The following NTRK2 variants were observed in gnomAD, a reference collection of about 807,000 sequenced individuals.
NTRK2 encodes neurotrophic receptor tyrosine kinase 2.
Under a neutral mutation model 94.5 loss-of-function variants are expected in NTRK2, and 13 were observed. That is an observed-to-expected ratio of 0.14 (90% CI 0.09 to 0.22). The LOEUF is 0.22. NTRK2 is among the 10% of genes least tolerant of loss of function. NTRK2 has a pLI of 1.00. For synonymous variants in NTRK2, 372 were observed against 407.4 expected (o/e 0.91, Z 1.05); for missense variants, 639 against 1,071.2 (o/e 0.60, Z 5.63).
intron 12 of NTRK2, among the ~76,000 whole-genome samples, chr9:84,818,661 T>C (rs1456078340): frequency 6.6e-6 from 1 of 152,234 alleles, no homozygotes; most frequent in Non-Finnish European, 1.5e-5. Flanking sequence ...AAGATGGATT[T>C]GCTGTTTTTT....
rs1211166 is a variant in NTRK2 at position 84,671,077 on chromosome 9, G to A, written c.212+117G>A. The A allele has an allele frequency of 0.79, 761,238 of 959,496 alleles. 303,208 individuals carry two copies. Among genetic ancestry groups the A allele is most frequent in the Admixed American group, 0.81 (40,984 of 50,448 alleles). The allele number at this position is 959,496 out of a possible 1,614,324, so 59.4% of individuals were successfully genotyped here. On this transcript the variant is annotated intron_variant, in intron 2 of 18. Coordinates refer to ENST00000277120, the MANE Select transcript of NTRK2 (RefSeq NM_006180.6). ...AGAGTGGGGAGAAGTCAAAGACAAG[G>A]GATGCAGGACAGGGTCATCTGTCAG...
At chr9:84,861,124 T>C in intron 13 of NTRK2, 37 bp downstream of exon 13, 1 of 1,481,584 alleles carries the variant, frequency 6.7e-7, no homozygotes, top group Non-Finnish European at 9.4e-7. Context: ...GGATAAGTAA[T>C]GAGTCTATGT....
At position 84,702,334 on chromosome 9, in the gene NTRK2, A is replaced by G. The variant is rs1588052619; in HGVS notation, c.288-14A>G. The G allele has an allele frequency of 6.2e-7, 1 of 1,613,998 alleles. No individual in the cohort carries two copies. The highest frequency in any genetic ancestry group is 8.5e-7 in the Non-Finnish European group (1 of 1,179,836). ...GGTTCGTTCTAATGTGCATGAAATT[A>G]TGTGTTTTCACAGGACAATTGTGGA... On this transcript the variant is annotated splice_polypyrimidine_tract_variant and intron_variant, in intron 3 of 18. Transcript: ENST00000277120.
At chr9:84,876,405 T>G in intron 14 of NTRK2, 1 of 1,054,570 alleles carries the variant, frequency 9.5e-7, no homozygotes, top group Non-Finnish European at 1.1e-6. Flanking sequence ...ATTTATGTTT[T>G]CATGCTCAAT....
rs908026202 is a variant in NTRK2 at position 85,013,415 on chromosome 9, G to C, written c.2173-6791G>C. 2.6e-5 allele frequency among the ~76,000 whole-genome samples: 4 copies of C among 152,060 alleles called. No individual in the cohort carries two copies. In the South Asian group the frequency reaches 8.3e-4, roughly 32 times the overall value. On this transcript the variant is annotated intron_variant, in intron 17 of 18. Transcript: ENST00000277120. ...CCTCCCGGGTTCAAACGGTTCTCCT[G>C]CCTCAGCCTCCTGAGTAGCTGGGAT...
intron 17 of NTRK2, among the ~76,000 whole-genome samples, chr9:84,980,442 T>C (rs148673025): frequency 6.6e-6 from 1 of 152,334 alleles, no homozygotes; most frequent in African/African-American, 2.4e-5. Flanking sequence ...AGCAATATTA[T>C]ATTGTCATCC....
At chr9:84,895,337 C>T (rs2076726791) in intron 14 of NTRK2, among the ~76,000 whole-genome samples, 1 of 152,178 alleles carries the variant, frequency 6.6e-6, no homozygotes, top group South Asian at 2.1e-4. Context: ...TTCACAGAAG[C>T]AGCCTTTCAT....
At chr9:84,716,552 A>G (rs927570356) in intron 6 of NTRK2, among the ~76,000 whole-genome samples, 3 of 151,966 alleles carry the variant, frequency 2.0e-5, no homozygotes, top group African/African-American at 4.9e-5. Context: ...TTAATGCTCT[A>G]TGTGGAAGTT....
intron 2 of NTRK2, among the ~76,000 whole-genome samples, chr9:84,681,083 G>A (rs1185980663): frequency 6.6e-6 from 1 of 152,082 alleles, no homozygotes; most frequent in Non-Finnish European, 1.5e-5. Flanking sequence ...GGCTATCTCT[G>A]GGCTACATCA....
At chr9:84,903,627 T>C (rs1253374475) in intron 14 of NTRK2, among the ~76,000 whole-genome samples, 5 of 152,200 alleles carry the variant, frequency 3.3e-5, no homozygotes, top group Non-Finnish European at 7.3e-5. Context: ...TCCTTCTTTC[T>C]TCTGATGTCC....
intron 14 of NTRK2, among the ~76,000 whole-genome samples, chr9:84,926,146 CTT>C (rs2077773800): frequency 1.2e-5 from 1 of 84,048 alleles, no homozygotes; most frequent in South Asian, 5.3e-4. Context: ...TCCTTCCTTC[CTT>C]CCTTCCTTCC....
At chr9:84,871,310 T>G (rs968848200) in intron 14 of NTRK2, among the ~76,000 whole-genome samples, 8 of 152,142 alleles carry the variant, frequency 5.3e-5, no homozygotes, top group African/African-American at 1.9e-4. Flanking sequence ...GATACTATAA[T>G]TTTTCCAGAG....
At chr9:84,686,928 ATAAT>A (rs148081721) in intron 2 of NTRK2, among the ~76,000 whole-genome samples, 8,263 of 152,304 alleles carry the variant, frequency 0.054, 361 homozygotes, top group African/African-American at 0.11. Flanking sequence ...CTTAAGATAA[ATAAT>A]ATAAATCATA....
chr9:84,678,550 C>G (rs78376271), intron 2 of NTRK2, among the ~76,000 whole-genome samples: 2 of 152,206 alleles, frequency 1.3e-5, no homozygotes, highest in Non-Finnish European at 2.9e-5. Flanking sequence ...CCTGAATTGT[C>G]TGACTCTTGC....
intron 17 of NTRK2, among the ~76,000 whole-genome samples, chr9:84,974,472 T>C (rs1415131291): frequency 1.3e-5 from 2 of 152,226 alleles, no homozygotes; most frequent in African/African-American, 4.8e-5. Context: ...AATTTAGAGC[T>C]GCAGAAGGTT....
At position 84,724,208 on chromosome 9, in the gene NTRK2, G is replaced by C; in HGVS notation, c.721-16G>C. 1 of 1,614,040 alleles carries C rather than the reference G, an allele frequency of 6.2e-7. No homozygotes were observed. Among genetic ancestry groups the C allele is most frequent in the Middle Eastern group, 1.7e-4 (1 of 6,060 alleles). On this transcript the variant is annotated splice_polypyrimidine_tract_variant and intron_variant, in intron 7 of 18. Coordinates refer to ENST00000277120, the MANE Select transcript of NTRK2 (RefSeq NM_006180.6). The stretch of plus-strand genomic sequence containing the variant: ...ATCCTAATCAAGGTTATTTTTGTCT[G>C]TTAATTCATTTGTAGAATGAAACAA...
chr9:84,768,141 C>T (rs1369001037), intron 12 of NTRK2, among the ~76,000 whole-genome samples: 1 of 152,184 alleles, frequency 6.6e-6, no homozygotes, highest in African/African-American at 2.4e-5. Context: ...CACTACAGAA[C>T]AGATTCTTAC....
At chr9:84,805,022 A>G (rs1486460454) in intron 12 of NTRK2, among the ~76,000 whole-genome samples, 3 of 152,122 alleles carry the variant, frequency 2.0e-5, no homozygotes, top group Non-Finnish European at 2.9e-5. Flanking sequence ...GGATGGGGCA[A>G]TGGTATCAGT....
intron 12 of NTRK2, among the ~76,000 whole-genome samples, chr9:84,843,865 C>T (rs1304257145): frequency 6.6e-6 from 1 of 152,110 alleles, no homozygotes; most frequent in East Asian, 1.9e-4. Flanking sequence ...ACAGGAGAAA[C>T]ATTTAGCCCA....
Sources: gnomAD v4.1 joint callset for allele counts (sites outside exome capture counted in the v4.1 genomes callset) on GRCh38, gnomAD v4.1.1 for gene constraint, MANE v1.5 for transcripts, NCBI Gene and HGNC (gene_info 2026-07-23, HGNC 2026-07-21) for gene names.